The following DMRT1 variants were observed in gnomAD, a reference collection of about 807,000 sequenced individuals.
The protein encoded by DMRT1 is doublesex and mab-3 related transcription factor 1, also known as doublesex- and mab-3-related transcription factor 1.
Under a neutral mutation model 32.3 loss-of-function variants are expected in DMRT1, and 7 were observed. That is an observed-to-expected ratio of 0.22 (90% CI 0.12 to 0.41). The LOEUF (loss-of-function observed/expected upper bound fraction) is 0.41, where lower values mean the gene tolerates loss of function less well. Ranked by LOEUF, DMRT1 falls within the 10% of genes least tolerant of loss-of-function variation. DMRT1 has a pLI of 1.00. For synonymous variants in DMRT1, 278 were observed against 206.1 expected (o/e 1.35, Z -2.99); for missense variants, 625 against 500.5 (o/e 1.25, Z -2.37).
intron 2 of DMRT1, among the ~76,000 whole-genome samples, chr9:849,284 G>A (rs13289418): frequency 0.01 from 1,562 of 152,216 alleles, 21 homozygotes; most frequent in African/African-American, 0.036. Flanking sequence ...GACACTTAAC[G>A]ATTGTTTAGA....
At chr9:877,898 A>G (rs1816569646) in intron 2 of DMRT1, among the ~76,000 whole-genome samples, 5 of 152,202 alleles carry the variant, frequency 3.3e-5, no homozygotes. Flanking sequence ...CTGATTCTGG[A>G]TAAGTGTGCC....
rs904312100 is a variant in DMRT1 at position 968,598 on chromosome 9, C to G, written c.*459C>G. ...TACCTGACGGGTGAGAAGAAAAGAG[C>G]AGGCAAAATTAGTGATTTTTTTAGA... is the stretch of plus-strand genomic sequence containing the variant. On this transcript the variant is annotated 3_prime_UTR_variant, in exon 5 of 5. Transcript: ENST00000382276. 6.1e-6 allele frequency: 1 copy of G among 163,420 alleles called. No individual in the cohort carries two copies. The highest frequency in any genetic ancestry group is 2.4e-5 in the African/African-American group (1 of 41,068). 10.1% of individuals were successfully genotyped at this position (163,420 alleles called of 1,614,324 possible).
chr9:847,100 C>G lies in DMRT1; in HGVS notation c.495C>G (p.Thr165=), dbSNP rs1224664619. 4 of 1,613,670 alleles carry G rather than the reference C, an allele frequency of 2.5e-6. No homozygotes were observed. In the South Asian group the frequency reaches 4.4e-5, roughly 18 times the overall value. ...GCCTCATGACTGAGTGCAGTGGCAC[C>G]TCTCAGCCACCGCCGGCCAGTGTCC... ...NPCLMTECSG[T]SQPPPASVPT... is the part of the protein sequence containing the mutation. The change falls in exon 2 of 5, where the codon ACC becomes ACG. Residue 165 remains threonine (T), a synonymous_variant. Transcript: ENST00000382276.
At chr9:873,165 A>T (rs983642957) in intron 2 of DMRT1, among the ~76,000 whole-genome samples, 1 of 152,206 alleles carries the variant, frequency 6.6e-6, no homozygotes, top group Non-Finnish European at 1.5e-5. Context: ...GCTGATGGCT[A>T]ATGACGTTGT....
At chr9:878,200 G>GCCCCCCCCCCC (rs34336062) in intron 2 of DMRT1, among the ~76,000 whole-genome samples, 74 of 94,034 alleles carry the variant, frequency 7.9e-4, no homozygotes, top group African/African-American at 1.6e-3. Flanking sequence ...TGCAGCTGCT[G>GCCCCCCCCCCC]CCCCCCCCCC....
chr9:941,898 A>T (rs1819086350), intron 4 of DMRT1, among the ~76,000 whole-genome samples: 1 of 152,168 alleles, frequency 6.6e-6, no homozygotes, highest in East Asian at 1.9e-4. Flanking sequence ...GTTATGAGGT[A>T]TTGTCCTTTT....
intron 4 of DMRT1, among the ~76,000 whole-genome samples, chr9:938,026 A>C (rs187254038): frequency 6.6e-6 from 1 of 152,060 alleles, no homozygotes; most frequent in Non-Finnish European, 1.5e-5. Context: ...TTTGTATACA[A>C]TGTAAGGTAA....
At chr9:844,792 C>A (rs1838833933) in intron 1 of DMRT1, among the ~76,000 whole-genome samples, 1 of 148,418 alleles carries the variant, frequency 6.7e-6, no homozygotes, top group Non-Finnish European at 1.5e-5. Context: ...ATGATTTCAG[C>A]TCACGGCAAC....
chr9:953,220 G>T (rs1819486075), intron 4 of DMRT1, among the ~76,000 whole-genome samples: 1 of 151,890 alleles, frequency 6.6e-6, no homozygotes, highest in Non-Finnish European at 1.5e-5. Context: ...CGTATCTGAC[G>T]GCCACCCCTT....
At chr9:897,614 G>A (rs191754085) in intron 3 of DMRT1, among the ~76,000 whole-genome samples, 1 of 151,378 alleles carries the variant, frequency 6.6e-6, no homozygotes, top group Non-Finnish European at 1.5e-5. Flanking sequence ...ACAAAATTAA[G>A]TAGATTTTGC....
intron 2 of DMRT1, among the ~76,000 whole-genome samples, chr9:861,518 C>G (rs949187445): frequency 6.6e-6 from 1 of 152,238 alleles, no homozygotes; most frequent in Non-Finnish European, 1.5e-5. Context: ...ACATTTCCCC[C>G]TTTTCTATTC....
intron 4 of DMRT1, among the ~76,000 whole-genome samples, chr9:939,911 G>T (rs908404156): frequency 6.6e-6 from 1 of 152,080 alleles, no homozygotes; most frequent in East Asian, 1.9e-4. Flanking sequence ...ACTTGAACAG[G>T]CATTTCTCCA....
chr9:905,649 C>T lies in DMRT1; in HGVS notation c.823-11114C>T, dbSNP rs542275004. 3.3e-5 allele frequency among the ~76,000 whole-genome samples: 5 copies of T among 152,210 alleles called. No individual in the cohort carries two copies. The South Asian group carries it at 1.0e-3, about 32-fold the overall frequency. The stretch of plus-strand genomic sequence containing the variant: ...TCTTTCATTGCGGTGCCCCGTTCTC[C>T]CGTTGACAGAAGCAGGTGGACCCGT... On this transcript the variant is annotated intron_variant, in intron 3 of 4. Coordinates refer to ENST00000382276, the MANE Select transcript of DMRT1 (RefSeq NM_021951.3).
At chr9:848,196 G>A (rs974832394) in intron 2 of DMRT1, among the ~76,000 whole-genome samples, 4 of 152,196 alleles carry the variant, frequency 2.6e-5, no homozygotes, top group Non-Finnish European at 5.9e-5. Context: ...TAAGCACTGT[G>A]TACTAAAGTC....
chr9:947,095 G>A (rs1465994936), intron 4 of DMRT1, among the ~76,000 whole-genome samples: 8 of 152,184 alleles, frequency 5.3e-5, no homozygotes, highest in African/African-American at 1.4e-4. Flanking sequence ...GAAGGATGGA[G>A]GAATTGAACC....
chr9:845,466 G>C (rs143108602), intron 1 of DMRT1, among the ~76,000 whole-genome samples: 3,360 of 152,176 alleles, frequency 0.022, 117 homozygotes, highest in African/African-American at 0.076. Flanking sequence ...CCTCAGCATC[G>C]CAAAGTGATG....
chr9:919,064 C>T (rs897902089), intron 4 of DMRT1, among the ~76,000 whole-genome samples: 2 of 152,058 alleles, frequency 1.3e-5, no homozygotes, highest in African/African-American at 2.4e-5. Flanking sequence ...GGTGGGGATG[C>T]GGACATCAGT....
At chr9:869,756 A>G (rs964540975) in intron 2 of DMRT1, among the ~76,000 whole-genome samples, 4 of 151,486 alleles carry the variant, frequency 2.6e-5, no homozygotes, top group Non-Finnish European at 4.4e-5. Context: ...ATTATTTTCT[A>G]TTTTTTCTTA....
chr9:873,240 C>A (rs964571054), intron 2 of DMRT1, among the ~76,000 whole-genome samples: 3 of 151,938 alleles, frequency 2.0e-5, no homozygotes, highest in Non-Finnish European at 4.4e-5. Flanking sequence ...TTATTCAAGT[C>A]CTTTGCCCAT....
Sources: gnomAD v4.1 joint callset for allele counts (sites outside exome capture counted in the v4.1 genomes callset) on GRCh38, gnomAD v4.1.1 for gene constraint, MANE v1.5 for transcripts, NCBI Gene and HGNC (gene_info 2026-07-23, HGNC 2026-07-21) for gene names.